Variants in GALNTL6 observed in about 807,000 individuals in gnomAD.
GALNTL6 encodes polypeptide N-acetylgalactosaminyltransferase like 6.
In GALNTL6, 46 loss-of-function variants were observed where a neutral mutation model predicts 73.7. The observed-to-expected ratio is 0.62, with a 90% CI of 0.49 to 0.80. The LOEUF (loss-of-function observed/expected upper bound fraction) is 0.80. Ranked by LOEUF, GALNTL6 falls within the 30% of genes least tolerant of loss-of-function variation. The probability of loss-of-function intolerance (pLI) is 0.00; values close to 1 mark genes in which losing one functional copy is unlikely to be tolerated. For synonymous variants in GALNTL6, 259 were observed against 263.7 expected (o/e 0.98, Z 0.17); for missense variants, 604 against 755.0 (o/e 0.80, Z 2.34).
chr4:172,939,375 C>T (rs1249897477), intron 9 of GALNTL6, among the ~76,000 whole-genome samples: 2 of 152,238 alleles, frequency 1.3e-5, no homozygotes, highest in African/African-American at 4.8e-5. Context: ...AGGCATCTTC[C>T]ATAAATAATG....
At chr4:173,017,295 G>T (rs1752821463) in intron 11 of GALNTL6, among the ~76,000 whole-genome samples, 1 of 152,268 alleles carries the variant, frequency 6.6e-6, no homozygotes, top group Admixed American at 6.5e-5. Context: ...GGAATTTAAG[G>T]TTGAAAAGAA....
rs115888840 is a variant in GALNTL6, at chr4:172,214,414, A to G, written c.139-15242A>G. ...GGCTCACTAGAGATTTATCAATTTC[A>G]TCAACGCTTTTTCAAAGAACTAGCT... On this transcript the variant is annotated intron_variant, in intron 2 of 12. Transcript: ENST00000506823. 1.0e-2 allele frequency among the ~76,000 whole-genome samples: 1,512 copies of G among 151,940 alleles called. 18 individuals are homozygous for G. Among genetic ancestry groups the G allele is most frequent in the Non-Finnish European group, 0.016 (1,079 of 67,960 alleles).
intron 5 of GALNTL6, among the ~76,000 whole-genome samples, chr4:172,513,568 G>A (rs1048733801): frequency 6.6e-6 from 1 of 152,114 alleles, no homozygotes; most frequent in Admixed American, 6.6e-5. Flanking sequence ...AAAGATCTGG[G>A]ACTCAAAAAC....
chr4:171,934,472 G>GGTAT (rs1274734975), intron 2 of GALNTL6, among the ~76,000 whole-genome samples: 2 of 152,124 alleles, frequency 1.3e-5, no homozygotes, highest in African/African-American at 4.8e-5. Context: ...GCAGTGCAGT[G>GGTAT]GTATGATCAT....
intron 5 of GALNTL6, among the ~76,000 whole-genome samples, chr4:172,672,168 G>A (rs1317637697): frequency 6.6e-6 from 1 of 152,196 alleles, no homozygotes; most frequent in African/African-American, 2.4e-5. Flanking sequence ...TGGGATTACA[G>A]GAGTGAGCCA....
chr4:172,991,150 A>T (rs921218975), intron 10 of GALNTL6, among the ~76,000 whole-genome samples: 4 of 152,212 alleles, frequency 2.6e-5, no homozygotes, highest in African/African-American at 9.6e-5. Context: ...CAAAAATTTT[A>T]AAAAGACTTA....
chr4:172,576,209 G>A (rs1736949741), intron 5 of GALNTL6, among the ~76,000 whole-genome samples: 4 of 152,146 alleles, frequency 2.6e-5, no homozygotes, highest in South Asian at 2.1e-4. Context: ...CATGAGGCAC[G>A]CTCATTACAG....
intron 5 of GALNTL6, among the ~76,000 whole-genome samples, chr4:172,670,343 T>A (rs1180875702): frequency 6.6e-6 from 1 of 152,164 alleles, no homozygotes; most frequent in African/African-American, 2.4e-5. Flanking sequence ...TAGTAGCCTT[T>A]CTGTTTGGTG....
At chr4:172,514,139 C>T (rs1201739563) in intron 5 of GALNTL6, among the ~76,000 whole-genome samples, 1 of 152,112 alleles carries the variant, frequency 6.6e-6, no homozygotes, top group Admixed American at 6.6e-5. Flanking sequence ...TCAGGTTTCT[C>T]AGGTGGTGGG....
intron 5 of GALNTL6, among the ~76,000 whole-genome samples, chr4:172,781,204 AC>A (rs1482452684): frequency 6.6e-6 from 1 of 152,178 alleles, no homozygotes; most frequent in African/African-American, 2.4e-5. Flanking sequence ...CTTAAATGCT[AC>A]CCAGAAATTG....
intron 3 of GALNTL6, among the ~76,000 whole-genome samples, chr4:172,236,064 C>T (rs947939503): frequency 2.0e-5 from 3 of 151,992 alleles, no homozygotes; most frequent in Non-Finnish European, 2.9e-5. Context: ...AGTCATTTTT[C>T]TATTGTAGAA....
chr4:172,935,330 T>G (rs1748554371), intron 9 of GALNTL6, among the ~76,000 whole-genome samples: 1 of 152,128 alleles, frequency 6.6e-6, no homozygotes, highest in Non-Finnish European at 1.5e-5. Flanking sequence ...ATCAGTAATT[T>G]TTTCATTTTA....
At chr4:172,358,481 G>A (rs1428781742) in intron 5 of GALNTL6, among the ~76,000 whole-genome samples, 2 of 152,142 alleles carry the variant, frequency 1.3e-5, no homozygotes, top group East Asian at 3.8e-4. Flanking sequence ...AATTCGTAGA[G>A]TTTCTTAAAA....
At chr4:172,336,465 C>G (rs968991426) in intron 4 of GALNTL6, among the ~76,000 whole-genome samples, 1 of 149,542 alleles carries the variant, frequency 6.7e-6, no homozygotes, top group Non-Finnish European at 1.5e-5. Flanking sequence ...TAAGTAGAGA[C>G]CGGGTTTCAC....
chr4:172,199,171 G>T (rs1355992841), intron 2 of GALNTL6, among the ~76,000 whole-genome samples: 2 of 152,118 alleles, frequency 1.3e-5, no homozygotes, highest in African/African-American at 4.8e-5. Context: ...ATCAGTGTTT[G>T]TTGAGCAAAT....
chr4:172,740,118 C>T (rs989308280), intron 5 of GALNTL6, among the ~76,000 whole-genome samples: 6 of 151,936 alleles, frequency 3.9e-5, no homozygotes, highest in African/African-American at 1.2e-4. Flanking sequence ...ATTCCTCCAT[C>T]GTTCTCTCAA....
intron 10 of GALNTL6, among the ~76,000 whole-genome samples, chr4:172,987,557 C>A (rs925697138): frequency 2.6e-5 from 4 of 152,142 alleles, no homozygotes; most frequent in African/African-American, 9.7e-5. Context: ...TAAAGTACAG[C>A]AAGAATAATT....
At chr4:172,846,008 T>C (rs1743488218) in intron 7 of GALNTL6, among the ~76,000 whole-genome samples, 1 of 152,208 alleles carries the variant, frequency 6.6e-6, no homozygotes, top group African/African-American at 2.4e-5. Context: ...ACAGTGAAGT[T>C]TTTGTAACAA....
intron 8 of GALNTL6, among the ~76,000 whole-genome samples, chr4:172,915,019 T>C (rs543017150): frequency 1.3e-5 from 2 of 152,286 alleles, no homozygotes; most frequent in African/African-American, 2.4e-5. Flanking sequence ...CCTCAGCAAA[T>C]GTAAAACAAT....
Sources: allele counts gnomAD v4.1 joint callset (sites outside exome capture counted in the v4.1 genomes callset), GRCh38; gene constraint gnomAD v4.1.1; transcripts MANE v1.5; gene names NCBI Gene and HGNC (gene_info 2026-07-23, HGNC 2026-07-21).